EPHA3: variants seen among roughly 807,000 people sequenced by gnomAD.
EPHA3 encodes EPH receptor A3.
In EPHA3, 42 loss-of-function variants were observed where a neutral mutation model predicts 107.1. The observed-to-expected ratio is 0.39, with a 90% confidence interval of 0.31 to 0.51. The LOEUF is 0.51. Ranked by LOEUF, EPHA3 falls within the 20% of genes least tolerant of loss-of-function variation. The pLI, the probability that EPHA3 is intolerant of heterozygous loss-of-function variation, is 0.78. For synonymous variants in EPHA3, 461 were observed against 424.8 expected, an observed-to-expected ratio of 1.09 and a Z score of -1.05; for missense variants, 1,183 against 1,211.2, an observed-to-expected ratio of 0.98 and a Z score of 0.35.
Position 89,210,457 on chromosome 3 carries a change from C to T in EPHA3, c.751C>T (p.Leu251Phe). The part of the protein sequence containing the change: ...RMYCSTEGEW[L>F]VPIGKCSCNA... ...GTACTGCAGTACAGAAGGCGAATGG[C>T]TTGTACCCATTGGCAAGTGTTCCTG... The change falls in exon 3 of 17, where the codon CTT becomes TTT. Residue 251 changes from leucine (L) to phenylalanine (F), a missense_variant. Transcript: ENST00000336596. 1 of 1,597,758 alleles carries T rather than the reference C, an allele frequency of 6.3e-7. No homozygotes were observed. Among genetic ancestry groups the T allele is most frequent in the Non-Finnish European group, 8.5e-7 (1 of 1,174,268 alleles).
At chr3:89,234,788 CTCCT>C (rs1402087063) in intron 3 of EPHA3, among the ~76,000 whole-genome samples, 10 of 120,824 alleles carry the variant, frequency 8.3e-5, no homozygotes, top group African/African-American at 1.9e-4. Flanking sequence ...CCCTCCCTCC[CTCCT>C]TCCTTCCTTC....
intron 1 of EPHA3, among the ~76,000 whole-genome samples, chr3:89,113,416 A>G (rs1359293291): frequency 7.8e-6 from 1 of 128,676 alleles, no homozygotes; most frequent in Non-Finnish European, 1.6e-5. Context: ...GGAACCTGGC[A>G]GGAGGTTTTC....
intron 12 of EPHA3, 23 bp from the exon 13 acceptor site, chr3:89,431,127 T>A: frequency 6.2e-7 from 1 of 1,608,674 alleles, no homozygotes; most frequent in South Asian, 1.1e-5. Context: ...GTATCTTAAT[T>A]GTACATTTGA....
At chr3:89,429,231 C>G (rs2107534831) in intron 12 of EPHA3, 64 bp downstream of exon 12, 3 of 1,270,120 alleles carry the variant, frequency 2.4e-6, no homozygotes, top group Non-Finnish European at 3.4e-6. Flanking sequence ...GAGACACCCT[C>G]CAATATTGTG....
intron 3 of EPHA3, among the ~76,000 whole-genome samples, chr3:89,248,650 G>T (rs1705093783): frequency 6.6e-6 from 1 of 152,160 alleles, no homozygotes; most frequent in Admixed American, 6.5e-5. Flanking sequence ...TTATACGATA[G>T]TCAACCAGAT....
Position 89,472,612 on chromosome 3 carries a change from T to G in EPHA3, c.2839T>G (p.Ser947Ala), listed in dbSNP as rs747575749. The change falls in exon 16 of 17, where the codon TCC (serine) becomes GCC (alanine). Residue 947 changes from serine (S) to alanine (A), a missense_variant. By Grantham distance (99) the Ser-to-Ala change is moderately conservative. Transcript: ENST00000336596. ...YSSCDTIAKISTDDMKKVGVT... is the reference protein window; with the variant it reads ...YSSCDTIAKIATDDMKKVGVT... ...TTCTTGTGACACAATAGCCAAGATT[T>G]CCACAGAGTAAGAAAAAAAAATTCA... 1.2e-6 allele frequency: 2 copies of G among 1,607,766 alleles called. No homozygotes were observed. The highest frequency in any genetic ancestry group is 2.2e-5 in the South Asian group (2 of 89,608).
intron 5 of EPHA3, among the ~76,000 whole-genome samples, chr3:89,382,858 AT>A (rs1183786859): frequency 2.0e-5 from 3 of 152,172 alleles, no homozygotes; most frequent in African/African-American, 7.2e-5. Context: ...CTGGACTAAC[AT>A]TTGCTATCTC....
At chr3:89,396,083 G>A (rs1708846527) in intron 6 of EPHA3, 122 bp downstream of exon 6, 1 of 1,329,198 alleles carries the variant, frequency 7.5e-7, no homozygotes, top group Non-Finnish European at 1.0e-6. Flanking sequence ...TTAGAACTGT[G>A]GCCCTGTGAC....
At chr3:89,411,493 T>G (rs896808816) in intron 9 of EPHA3, among the ~76,000 whole-genome samples, 3 of 151,920 alleles carry the variant, frequency 2.0e-5, no homozygotes, top group African/African-American at 7.2e-5. Flanking sequence ...TATTATGCTG[T>G]GTCAAAGTCA....
intron 3 of EPHA3, among the ~76,000 whole-genome samples, chr3:89,225,900 T>A (rs557542571): frequency 6.6e-6 from 1 of 152,104 alleles, no homozygotes; most frequent in African/African-American, 2.4e-5. Flanking sequence ...TACATTTGCC[T>A]GGGGCCACTG....
intron 1 of EPHA3, among the ~76,000 whole-genome samples, chr3:89,124,208 A>G (rs902544953): frequency 6.6e-6 from 1 of 152,216 alleles, no homozygotes; most frequent in Non-Finnish European, 1.5e-5. Context: ...GAGAGGGGAC[A>G]GCATTATAGT....
intron 9 of EPHA3, among the ~76,000 whole-genome samples, chr3:89,409,976 T>C (rs1254833310): frequency 6.6e-6 from 1 of 152,008 alleles, no homozygotes; most frequent in Non-Finnish European, 1.5e-5. Flanking sequence ...TGTGCATGTG[T>C]TTATTACCTG....
At chr3:89,411,080 A>G (rs755767781) in intron 9 of EPHA3, among the ~76,000 whole-genome samples, 27 of 151,874 alleles carry the variant, frequency 1.8e-4, no homozygotes, top group Non-Finnish European at 3.2e-4. Flanking sequence ...AACAATAAAA[A>G]CGCTCATTAG....
chr3:89,221,517 C>T (rs1704375113), intron 3 of EPHA3, among the ~76,000 whole-genome samples: 1 of 152,086 alleles, frequency 6.6e-6, no homozygotes, highest in Non-Finnish European at 1.5e-5. Flanking sequence ...CTACTCTTCA[C>T]CTTCTAAAAT....
At chr3:89,115,764 G>T (rs1707240050) in intron 1 of EPHA3, among the ~76,000 whole-genome samples, 1 of 152,104 alleles carries the variant, frequency 6.6e-6, no homozygotes, top group African/African-American at 2.4e-5. Flanking sequence ...AGGAAACTGA[G>T]AAAATGGATC....
At chr3:89,411,729 G>A (rs1709157400) in intron 9 of EPHA3, among the ~76,000 whole-genome samples, 1 of 151,834 alleles carries the variant, frequency 6.6e-6, no homozygotes, top group Admixed American at 6.6e-5. Context: ...TCCTAGACTT[G>A]TTGGCCTAAT....
At chr3:89,359,491 G>C (rs979162196) in intron 5 of EPHA3, among the ~76,000 whole-genome samples, 2 of 150,328 alleles carry the variant, frequency 1.3e-5, no homozygotes, top group African/African-American at 4.8e-5. Flanking sequence ...TTGTTGGGTA[G>C]TACTTAAGGA....
chr3:89,307,586 A>T lies in EPHA3; in HGVS notation c.815-33330A>T, dbSNP rs75530949. 1.9e-3 allele frequency among the ~76,000 whole-genome samples: 293 copies of T among 152,224 alleles called. 7 individuals are homozygous for T. The East Asian group carries it at 0.051, about 26-fold the overall frequency. On this transcript the variant is annotated intron_variant, in intron 3 of 16. Transcript: ENST00000336596. ...CATCTCTCTCTCATTTTATAATTTG[A>T]GACAAGGTCTCTGCTGCTCAGGCTG...
intron 5 of EPHA3, among the ~76,000 whole-genome samples, chr3:89,347,124 C>T (rs1206747359): frequency 9.8e-5 from 14 of 142,442 alleles, no homozygotes; most frequent in Non-Finnish European, 1.5e-4. Context: ...TCCATATGAA[C>T]TTTAAAGTAG....
Sources: allele counts gnomAD v4.1 joint callset (sites outside exome capture counted in the v4.1 genomes callset), GRCh38; gene constraint gnomAD v4.1.1; transcripts MANE v1.5; gene names NCBI Gene and HGNC (gene_info 2026-07-23, HGNC 2026-07-21).